The following ATG10 variants were observed in gnomAD, a reference collection of about 807,000 sequenced individuals.
ATG10 encodes the protein autophagy related 10.
ATG10 carries 30 observed loss-of-function variants against 32.1 expected under a neutral mutation model. That is an observed-to-expected ratio of 0.94 (90% confidence interval 0.70 to 1.27). The LOEUF is 1.27. Ranked by LOEUF, ATG10 falls within the 50% of genes most tolerant of loss-of-function variation. The pLI is 0.00. For missense variants in ATG10, 233 were observed against 262.3 expected, an observed-to-expected ratio of 0.89 and a Z score of 0.77; for synonymous variants, 87 against 91.5, an observed-to-expected ratio of 0.95 and a Z score of 0.28.
intron 3 of ATG10, among the ~76,000 whole-genome samples, chr5:82,142,762 G>C (rs929396893): frequency 6.6e-6 from 1 of 152,126 alleles, no homozygotes; most frequent in Non-Finnish European, 1.5e-5. Context: ...GCTTAACTAG[G>C]GGAGTGGCAA....
intron 2 of ATG10, among the ~76,000 whole-genome samples, chr5:82,017,424 A>G (rs1232181202): frequency 6.6e-6 from 1 of 152,184 alleles, no homozygotes; most frequent in African/African-American, 2.4e-5. Flanking sequence ...TGCTCTGACT[A>G]GGACTTTCAG....
chr5:82,108,294 C>G (rs1305687484), intron 3 of ATG10, among the ~76,000 whole-genome samples: 2 of 151,726 alleles, frequency 1.3e-5, no homozygotes, highest in Non-Finnish European at 2.9e-5. Flanking sequence ...TGTAGTAATA[C>G]CTTTCATTTG....
intron 2 of ATG10, among the ~76,000 whole-genome samples, chr5:82,032,810 A>G (rs925190767): frequency 6.6e-6 from 1 of 151,788 alleles, no homozygotes; most frequent in Non-Finnish European, 1.5e-5. Flanking sequence ...AGTGATTGCT[A>G]TGTGCCAGAC....
Position 82,181,323 on chromosome 5 carries a change from C to T in ATG10, c.453+2736C>T, listed in dbSNP as rs1382160181. On this transcript the variant is annotated intron_variant, in intron 5 of 7. Coordinates refer to ENST00000282185, the MANE Select transcript of ATG10 (RefSeq NM_031482.5). ...TAAAATTGCTCATCACAGTGCGTGT[C>T]GAGGCATTACAGACCAAGTAGGGGA... Among the ~76,000 whole-genome samples, 7 of 152,176 alleles carry T rather than the reference C, an allele frequency of 4.6e-5. No individual in the cohort carries two copies. In the East Asian group the frequency reaches 1.4e-3, roughly 29 times the overall value.
intron 5 of ATG10, among the ~76,000 whole-genome samples, chr5:82,210,908 A>G (rs562399358): frequency 6.6e-6 from 1 of 152,190 alleles, no homozygotes; most frequent in African/African-American, 2.4e-5. Flanking sequence ...GGGAGAGTTA[A>G]TATAGTTTCT....
At chr5:82,068,219 A>AT (rs1764002815) in intron 3 of ATG10, among the ~76,000 whole-genome samples, 1 of 152,176 alleles carries the variant, frequency 6.6e-6, no homozygotes. Context: ...CTATGCAGCC[A>AT]TAAAAAGGAT....
chr5:82,090,265 A>G (rs1339914902), intron 3 of ATG10, among the ~76,000 whole-genome samples: 1 of 152,180 alleles, frequency 6.6e-6, no homozygotes, highest in African/African-American at 2.4e-5. Context: ...CTGGGCATCT[A>G]TCCCCGAGAA....
At chr5:82,167,072 C>T (rs956838287) in intron 4 of ATG10, among the ~76,000 whole-genome samples, 1 of 152,106 alleles carries the variant, frequency 6.6e-6, no homozygotes, top group Non-Finnish European at 1.5e-5. Flanking sequence ...TCTCGAAATG[C>T]AAATCCCTTA....
Position 82,065,899 on chromosome 5 carries a change from A to G in ATG10, c.216+7297A>G, listed in dbSNP as rs183155828. ...TATTGCAAAATAGCTGCTAAACTTAAGTTTTTTTTTTAAGGTTCTAAATTA... is the reference window on the plus strand; with the variant it reads ...TATTGCAAAATAGCTGCTAAACTTAGGTTTTTTTTTTAAGGTTCTAAATTA... On this transcript the variant is annotated intron_variant, in intron 3 of 7. Coordinates refer to ENST00000282185, the MANE Select transcript of ATG10 (RefSeq NM_031482.5). Among the ~76,000 whole-genome samples the G allele has an allele frequency of 4.4e-3, 669 of 152,144 alleles. 4 individuals carry two copies. The highest frequency in any genetic ancestry group is 0.015 in the African/African-American group (628 of 41,520).
chr5:82,202,993 C>T (rs936297275), intron 5 of ATG10, among the ~76,000 whole-genome samples: 7 of 151,914 alleles, frequency 4.6e-5, no homozygotes, highest in African/African-American at 9.7e-5. Context: ...CTTTGGAGGC[C>T]GAGGCAGATG....
At chr5:82,181,587 A>G (rs532446063) in intron 5 of ATG10, among the ~76,000 whole-genome samples, 1 of 152,224 alleles carries the variant, frequency 6.6e-6, no homozygotes, top group East Asian at 1.9e-4. Context: ...GAATGGGCTG[A>G]TAGAATATTG....
chr5:82,231,520 G>A (rs1202983020), intron 5 of ATG10, among the ~76,000 whole-genome samples: 1 of 152,142 alleles, frequency 6.6e-6, no homozygotes, highest in Non-Finnish European at 1.5e-5. Context: ...CAATACGGCA[G>A]CCTATTAGTA....
At chr5:82,118,387 C>CATATATATATATATATATATATACAT (rs71605823) in intron 3 of ATG10, among the ~76,000 whole-genome samples, 1 of 80,734 alleles carries the variant, frequency 1.2e-5, no homozygotes, top group Admixed American at 1.2e-4. Flanking sequence ...AATATATGTA[C>CATATATATATATATATATATATACAT]ATATATATAT....
intron 3 of ATG10, among the ~76,000 whole-genome samples, chr5:82,125,485 T>C (rs779641959): frequency 7.9e-5 from 12 of 152,340 alleles, no homozygotes; most frequent in Middle Eastern, 3.4e-3. Flanking sequence ...TTCAGTTTTC[T>C]GCATATGGCT....
intron 3 of ATG10, among the ~76,000 whole-genome samples, chr5:82,061,818 C>CTTTTTT (rs11459926): frequency 3.7e-5 from 3 of 80,944 alleles, no homozygotes; most frequent in African/African-American, 1.0e-4. Flanking sequence ...ACACACATAC[C>CTTTTTT]TTTTTTTTTT....
At chr5:81,997,571 G>T (rs913304340) in intron 2 of ATG10, among the ~76,000 whole-genome samples, 11 of 152,140 alleles carry the variant, frequency 7.2e-5, no homozygotes, top group Non-Finnish European at 1.5e-4. Flanking sequence ...TTCAGAATAC[G>T]GATAGGAATG....
At chr5:82,000,185 T>A (rs1418554525) in intron 2 of ATG10, among the ~76,000 whole-genome samples, 1 of 152,180 alleles carries the variant, frequency 6.6e-6, no homozygotes, top group Admixed American at 6.5e-5. Flanking sequence ...TAAATGTGAT[T>A]TGACACACAA....
At chr5:82,225,984 T>C (rs1746116342) in intron 5 of ATG10, among the ~76,000 whole-genome samples, 1 of 152,238 alleles carries the variant, frequency 6.6e-6, no homozygotes, top group Non-Finnish European at 1.5e-5. Context: ...TTAACTTCTT[T>C]AGTGGAAGAA....
chr5:82,098,308 GT>G (rs35693758), intron 3 of ATG10, among the ~76,000 whole-genome samples: 1,587 of 115,542 alleles, frequency 0.014, 5 homozygotes, highest in African/African-American at 0.023. Flanking sequence ...TTGTTGTTGG[GT>G]TTTTTTTTTT....
Sources: gnomAD v4.1 joint callset for allele counts (sites outside exome capture counted in the v4.1 genomes callset) on GRCh38, gnomAD v4.1.1 for gene constraint, MANE v1.5 for transcripts, NCBI Gene and HGNC (gene_info 2026-07-23, HGNC 2026-07-21) for gene names.